UGT1A8: variants seen among roughly 807,000 people sequenced by gnomAD.
UGT1A8 encodes the protein UDP-glucuronosyltransferase 1A8.
In UGT1A8, 39 loss-of-function variants were observed where a neutral mutation model predicts 45.3. The ratio of observed to expected loss-of-function variants is 0.86; its 90% CI spans 0.67 to 1.12. The LOEUF is 1.12. Among genes scored for constraint, UGT1A8 ranks in the 50% most tolerant of loss-of-function variants. UGT1A8 has a pLI of 0.00. For missense variants in UGT1A8, 719 were observed against 664.9 expected (o/e 1.08, Z -0.90); for synonymous variants, 275 against 249.2 (o/e 1.10, Z -0.97).
intron 1 of UGT1A8, among the ~76,000 whole-genome samples, chr2:233,732,521 T>C (rs2078280152): frequency 6.6e-6 from 1 of 152,252 alleles, no homozygotes; most frequent in South Asian, 2.1e-4. Flanking sequence ...TCCAGCTTTC[T>C]ACATATGGCC....
intron 1 of UGT1A8, among the ~76,000 whole-genome samples, chr2:233,627,592 T>C (rs2073106372): frequency 1.3e-5 from 2 of 151,316 alleles, no homozygotes; most frequent in African/African-American, 2.4e-5. Context: ...GCTGCAGCAA[T>C]GTCTTCATGA....
chr2:233,664,704 C>G (rs781466445), intron 1 of UGT1A8, among the ~76,000 whole-genome samples: 1 of 152,182 alleles, frequency 6.6e-6, no homozygotes, highest in Non-Finnish European at 1.5e-5. Context: ...GGGATCCACC[C>G]CCATGATCCA....
At chr2:233,697,865 T>C (rs944784384) in intron 1 of UGT1A8, among the ~76,000 whole-genome samples, 24 of 152,350 alleles carry the variant, frequency 1.6e-4, no homozygotes, top group African/African-American at 5.8e-4. Flanking sequence ...TATGCATTTA[T>C]TTAATGATTT....
intron 1 of UGT1A8, among the ~76,000 whole-genome samples, chr2:233,663,453 G>A (rs1575409640): frequency 6.6e-6 from 1 of 152,090 alleles, no homozygotes; most frequent in African/African-American, 2.4e-5. Context: ...GGGGCCACAA[G>A]AGCAGATGAG....
At position 233,718,196 on chromosome 2, in the gene UGT1A8, G is replaced by A. The variant is rs1258462384; in HGVS notation, c.856-48838G>A. On this transcript the variant is annotated intron_variant, in intron 1 of 4. Transcript: ENST00000373450. ...ACATCTTGAGCTCAGCCTCCCCGGA[G>A]CTTTTTTTTATATTGACAGCCACTT... 4.6e-5 allele frequency among the ~76,000 whole-genome samples: 7 copies of A among 152,156 alleles called. No individual in the cohort carries two copies. In the South Asian group the frequency reaches 1.5e-3, roughly 32 times the overall value.
At chr2:233,758,766 C>A (rs1239430775) in intron 1 of UGT1A8, among the ~76,000 whole-genome samples, 1 of 152,154 alleles carries the variant, frequency 6.6e-6, no homozygotes, top group Admixed American at 6.5e-5. Flanking sequence ...GTGTATGGTT[C>A]AAATGTTGGG....
chr2:233,671,715 G>A (rs375630792), intron 1 of UGT1A8: 23 of 1,011,324 alleles, frequency 2.3e-5, no homozygotes, highest in Middle Eastern at 3.4e-4. Flanking sequence ...AAGACCATAA[G>A]CTACTGTTGT....
At chr2:233,678,685 AT>A (rs892538963) in intron 1 of UGT1A8, among the ~76,000 whole-genome samples, 2 of 152,048 alleles carry the variant, frequency 1.3e-5, no homozygotes, top group East Asian at 1.9e-4. Context: ...TGTAAGGCCA[AT>A]TTTTTTTCTG....
chr2:233,718,771 A>G, intron 1 of UGT1A8: 1 of 1,612,862 alleles, frequency 6.2e-7, no homozygotes, highest in African/African-American at 1.3e-5. Context: ...AAACAAATGT[A>G]GCAGGCACAG....
At chr2:233,755,270 G>A (rs1695837924) in intron 1 of UGT1A8, 1 of 756,192 alleles carries the variant, frequency 1.3e-6, no homozygotes, top group Non-Finnish European at 2.0e-6. Flanking sequence ...AGTCCACTAT[G>A]CTGGACTGCC....
chr2:233,718,686 G>A, intron 1 of UGT1A8: 8 of 1,582,298 alleles, frequency 5.1e-6, no homozygotes, highest in Non-Finnish European at 6.9e-6. Context: ...ATAAGTAACT[G>A]GAGGAGGGCA....
chr2:233,693,146 GT>G, intron 1 of UGT1A8: 1 of 1,614,204 alleles, frequency 6.2e-7, no homozygotes, highest in Non-Finnish European at 8.5e-7. Context: ...TATAGTTGAG[GT>G]TCTCAGTGAC....
At chr2:233,735,001 G>A (rs76924132) in intron 1 of UGT1A8, among the ~76,000 whole-genome samples, 2 of 152,186 alleles carry the variant, frequency 1.3e-5, no homozygotes, top group African/African-American at 4.8e-5. Flanking sequence ...TTGACTTAGG[G>A]TGGAGAGTTC....
chr2:233,741,588 A>G (rs1403330194), intron 1 of UGT1A8: 1 of 151,778 alleles, frequency 6.6e-6, no homozygotes, highest in Non-Finnish European at 1.5e-5. Context: ...GGCACCTCGG[A>G]GCATGTTGAT....
chr2:233,654,972 T>C (rs1221880538), intron 1 of UGT1A8, among the ~76,000 whole-genome samples: 2 of 152,056 alleles, frequency 1.3e-5, no homozygotes, highest in Admixed American at 6.6e-5. Flanking sequence ...GCATCTGTAA[T>C]CATAGCTACT....
chr2:233,656,384 A>G (rs916151329), intron 1 of UGT1A8, among the ~76,000 whole-genome samples: 3 of 152,346 alleles, frequency 2.0e-5, no homozygotes, highest in African/African-American at 4.8e-5. Context: ...CTCTTGTCCA[A>G]TGAAAGCAGT....
At chr2:233,719,356 A>T (rs751560022) in intron 1 of UGT1A8, 4 of 1,613,848 alleles carry the variant, frequency 2.5e-6, no homozygotes, top group Non-Finnish European at 3.4e-6. Context: ...ATTCCATGTG[A>T]CTTAGACTTT....
chr2:233,653,538 C>T (rs760809619), intron 1 of UGT1A8, among the ~76,000 whole-genome samples: 10 of 152,156 alleles, frequency 6.6e-5, no homozygotes, highest in Non-Finnish European at 1.0e-4. Context: ...AGTCAGAAAC[C>T]TCTATGGGTC....
chr2:233,686,767 G>A (rs764503314), intron 1 of UGT1A8, among the ~76,000 whole-genome samples: 8 of 152,058 alleles, frequency 5.3e-5, no homozygotes, highest in Non-Finnish European at 8.8e-5. Flanking sequence ...TTTATTTTAT[G>A]CAACACTCCA....
Sources: gnomAD v4.1 joint callset for allele counts (sites outside exome capture counted in the v4.1 genomes callset) on GRCh38, gnomAD v4.1.1 for gene constraint, MANE v1.5 for transcripts, NCBI Gene and HGNC (gene_info 2026-07-23, HGNC 2026-07-21) for gene names.